TGIF1: variants seen among roughly 807,000 people sequenced by gnomAD.
TGIF1 encodes the protein homeobox protein TGIF1.
In TGIF1, 4 loss-of-function variants were observed where a neutral mutation model predicts 19.3. The ratio of observed to expected loss-of-function variants is 0.21; its 90% CI spans 0.10 to 0.47. TGIF1 has a LOEUF of 0.47. TGIF1 is among the 20% of genes least tolerant of loss of function. The pLI, the probability that TGIF1 is intolerant of heterozygous loss-of-function variation, is 0.98. For synonymous variants in TGIF1, 122 were observed against 129.3 expected (o/e 0.94, Z 0.38); for missense variants, 275 against 341.4 (o/e 0.81, Z 1.53).
intron 1 of TGIF1, among the ~76,000 whole-genome samples, chr18:3,453,361 CCT>C (rs557398046): frequency 2.2e-3 from 328 of 152,216 alleles, no homozygotes; most frequent in Non-Finnish European, 3.6e-3. Context: ...TCCCTGCCTC[CCT>C]GTCTCATGAT....
Position 3,456,243 on chromosome 18 carries a change from C to A in TGIF1, c.17-111C>A. ...CAGAAAACACTGCTCCTTCTCCTCG[C>A]TCTCAGTTGTTGGGAAAGCATGGTT... On this transcript the variant is annotated intron_variant, in intron 1 of 2. Transcript: ENST00000343820. This position sits in a 1 kb window ranked among gnomAD's most constrained non-coding sequence, Gnocchi z 4.2. The A allele has an allele frequency of 9.5e-7, 1 of 1,056,338 alleles. No homozygotes were observed. Among genetic ancestry groups the A allele is most frequent in the Non-Finnish European group, 1.5e-6 (1 of 676,038 alleles). 65.4% of individuals were successfully genotyped at this position (1,056,338 alleles called of 1,614,324 possible). A position where few individuals can be genotyped will look rare whatever the true frequency, so the allele number is the denominator to read the frequency against.
chr18:3,424,924 A>G (rs2082448442), intron 2 of TGIF1, among the ~76,000 whole-genome samples: 1 of 152,180 alleles, frequency 6.6e-6, no homozygotes, highest in Non-Finnish European at 1.5e-5. Flanking sequence ...CCTTTCTAAT[A>G]TCCTTTATAA....
intron 2 of TGIF1, among the ~76,000 whole-genome samples, chr18:3,433,345 A>T (rs1421491341): frequency 6.6e-6 from 1 of 152,198 alleles, no homozygotes; most frequent in Non-Finnish European, 1.5e-5. Flanking sequence ...AAGTGCTAGG[A>T]TTACAGGCGT....
rs1175051009 is a variant in TGIF1, at chr18:3,451,312, C to A, written c.16+807C>A. ...CTGGAAGCTTTACAACTAAAACTTGCCGTCAGTTTGGTTTAAAAACAAAAT... is the reference window on the plus strand; with the variant it reads ...CTGGAAGCTTTACAACTAAAACTTGACGTCAGTTTGGTTTAAAAACAAAAT... On this transcript the variant is annotated intron_variant, in intron 1 of 2. Transcript: ENST00000343820. The surrounding 1 kb of genome is among the most constrained non-coding windows in gnomAD (Gnocchi z 5.4). 2 of 968,210 alleles carry A rather than the reference C, an allele frequency of 2.1e-6. No individual in the cohort carries two copies. Among genetic ancestry groups the A allele is most frequent in the Non-Finnish European group, 2.5e-6 (2 of 814,508 alleles). 60.0% of individuals were successfully genotyped at this position (968,210 alleles called of 1,614,324 possible). A position where few individuals can be genotyped will look rare whatever the true frequency, so the allele number is the denominator to read the frequency against.
chr18:3,424,669 C>T (rs1190156558), intron 2 of TGIF1, among the ~76,000 whole-genome samples: 1 of 152,182 alleles, frequency 6.6e-6, no homozygotes, highest in Non-Finnish European at 1.5e-5. Context: ...GCCCCACCCC[C>T]AGCCTCGGGG....
intron 2 of TGIF1, among the ~76,000 whole-genome samples, chr18:3,426,377 T>C (rs1475184704): frequency 3.3e-5 from 5 of 151,940 alleles, no homozygotes; most frequent in Admixed American, 6.6e-5. Context: ...CTGTGTTGTC[T>C]AGGCTGGTCT....
At chr18:3,443,690 G>A (rs1486925153) in intron 2 of TGIF1, among the ~76,000 whole-genome samples, 3 of 151,258 alleles carry the variant, frequency 2.0e-5, no homozygotes, top group African/African-American at 4.9e-5. Flanking sequence ...CGTGCCTCAC[G>A]AATTCACTTG....
chr18:3,455,663 T>G (rs1221535882), intron 1 of TGIF1: 3 of 152,622 alleles, frequency 2.0e-5, no homozygotes, highest in Non-Finnish European at 4.4e-5. Flanking sequence ...GTGGTCGTAT[T>G]TAATAAAAGG....
chr18:3,450,587 TTGG>T lies in TGIF1; in HGVS notation c.16+86_16+88del, dbSNP rs548933647. 1,384 of 1,547,816 alleles carry T rather than the reference TTGG, an allele frequency of 8.9e-4. 9 individuals are homozygous for T. The African/African-American group carries it at 0.015, about 17-fold the overall frequency. ...GCCGGGCCGCGCCGCGCGGAGTCACTTGGTGGACTTTTCCGCCCAGGGGCTCTC... is the reference window on the plus strand; with the variant it reads ...GCCGGGCCGCGCCGCGCGGAGTCACTTGGACTTTTCCGCCCAGGGGCTCTC... On this transcript the variant is annotated intron_variant, in intron 1 of 2. Coordinates refer to ENST00000343820, the MANE Select transcript of TGIF1 (RefSeq NM_003244.4).
At chr18:3,427,522 C>T (rs1286731380) in intron 2 of TGIF1, among the ~76,000 whole-genome samples, 2 of 151,298 alleles carry the variant, frequency 1.3e-5, no homozygotes, top group Admixed American at 6.6e-5. Context: ...AACTCTTGAT[C>T]TCAAGTGATC....
chr18:3,444,286 C>CTTTTTT (rs57205118), intron 2 of TGIF1, among the ~76,000 whole-genome samples: 29 of 122,066 alleles, frequency 2.4e-4, no homozygotes, highest in East Asian at 1.1e-3. Context: ...ACTTTCTTTT[C>CTTTTTT]TTTTTTTTTT....
At chr18:3,434,172 T>C (rs150099763) in intron 2 of TGIF1, among the ~76,000 whole-genome samples, 20 of 152,166 alleles carry the variant, frequency 1.3e-4, no homozygotes, top group African/African-American at 3.4e-4. Context: ...GGTGGAGCAC[T>C]TGAAGTCAGA....
chr18:3,449,779 G>C (rs142599245), upstream of TGIF1: 2,417 of 985,552 alleles, frequency 2.5e-3, 41 homozygotes, highest in African/African-American at 0.038. Flanking sequence ...GAGACGGGGA[G>C]GCTTTTCTTC....
At chr18:3,445,765 CAAAAA>C (rs755240649), upstream of TGIF1, among the ~76,000 whole-genome samples, 65 of 35,836 alleles carry the variant, frequency 1.8e-3, no homozygotes, top group East Asian at 0.017. Flanking sequence ...AGAAGAAAAG[CAAAAA>C]AAAAAAAAAA....
intron 2 of TGIF1, chr18:3,418,908 A>G (rs975215021): frequency 6.6e-6 from 1 of 152,166 alleles, no homozygotes; most frequent in Non-Finnish European, 1.5e-5. Context: ...AAATACAACA[A>G]TTAGATGGGC....
rs2049348684 is a variant in TGIF1 at position 3,456,228 on chromosome 18, T to C, written c.17-126T>C. 3.9e-5 allele frequency: 37 copies of C among 948,802 alleles called. No homozygotes were observed. In the South Asian group the frequency reaches 4.8e-4, roughly 12 times the overall value. The allele number at this position is 948,802 out of a possible 1,614,324, so 58.8% of individuals were successfully genotyped here. A position where few individuals can be genotyped will look rare whatever the true frequency, so the allele number is the denominator to read the frequency against. ...ACCCTGAATTCAGGACAGAAAACAC[T>C]GCTCCTTCTCCTCGCTCTCAGTTGT... On this transcript the variant is annotated intron_variant, in intron 1 of 2. Transcript: ENST00000343820. This position sits in a 1 kb window ranked among gnomAD's most constrained non-coding sequence, Gnocchi z 4.2.
chr18:3,454,504 A>C, intron 1 of TGIF1, among the ~76,000 whole-genome samples: 1 of 152,140 alleles, frequency 6.6e-6, no homozygotes, highest in East Asian at 1.9e-4. Flanking sequence ...ACTTTTTTTA[A>C]AAGTTCGATT....
intron 2 of TGIF1, among the ~76,000 whole-genome samples, chr18:3,439,796 G>A (rs1489516450): frequency 3.9e-5 from 6 of 151,908 alleles, no homozygotes; most frequent in African/African-American, 7.3e-5. Flanking sequence ...CAAGGTGGGC[G>A]GATAGATTGA....
chr18:3,452,136 TC>T lies in TGIF1; in HGVS notation c.16+1634del, dbSNP rs765001208. 23 of 1,613,474 alleles carry T rather than the reference TC, an allele frequency of 1.4e-5. No homozygotes were observed. In the African/African-American group the frequency reaches 2.4e-4, roughly 17 times the overall value. On this transcript the variant is annotated intron_variant, in intron 1 of 2. Transcript: ENST00000343820. Reference sequence around the variant, plus strand: ...GGCTTTTCTGGCGTCCCCCCGACTCTCCCGCGGCACTTTGGCCTACCTTCCC... The same window carrying T: ...GGCTTTTCTGGCGTCCCCCCGACTCTCCGCGGCACTTTGGCCTACCTTCCC...
Sources: allele counts gnomAD v4.1 joint callset (sites outside exome capture counted in the v4.1 genomes callset), GRCh38; gene constraint gnomAD v4.1.1; non-coding constraint Gnocchi (gnomAD v3.1); transcripts MANE v1.5; gene names NCBI Gene and HGNC (gene_info 2026-07-23, HGNC 2026-07-21).